PRH1: variants seen among roughly 807,000 people sequenced by gnomAD.
PRH1 encodes salivary acidic proline-rich phosphoprotein 1/2.
A neutral mutation model predicts 7.9 loss-of-function variants in PRH1; 7 were observed. The ratio of observed to expected loss-of-function variants is 0.89; its 90% CI spans 0.50 to 1.67. The LOEUF (loss-of-function observed/expected upper bound fraction) is 1.67, where lower values mean the gene tolerates loss of function less well. PRH1 is among the 40% of genes most tolerant of loss of function. The pLI, the probability that PRH1 is intolerant of heterozygous loss-of-function variation, is 0.00. For missense variants in PRH1, 109 were observed against 223.6 expected (o/e 0.49, Z 3.27); for synonymous variants, 45 against 80.8 (o/e 0.56, Z 2.38).
intron 2 of PRH1, among the ~76,000 whole-genome samples, chr12:10,913,586 G>A (rs531645824): frequency 2.0e-5 from 3 of 152,156 alleles, no homozygotes; most frequent in African/African-American, 7.2e-5. Flanking sequence ...TATATATCTT[G>A]TACATAGCAT....
Position 11,087,628 on chromosome 12 carries a change from C to T in PRH1, n.124-40440G>A, listed in dbSNP as rs201478537. On this transcript the variant is annotated intron_variant and non_coding_transcript_variant, in intron 1 of 4. Transcript: ENST00000541977. The stretch of plus-strand genomic sequence containing the variant: ...TCTCCTCTACTGGCAACACAATGTA[C>T]AAAATATAATAACCGCATTCCCTAA... 1.4e-3 allele frequency among the ~76,000 whole-genome samples: 140 copies of T among 102,234 alleles called. 1 individual carries two copies. Among genetic ancestry groups the T allele is most frequent in the East Asian group, 3.3e-3 (14 of 4,206 alleles). The allele number at this position is 102,234 out of a possible 152,430, so 67.1% of individuals were successfully genotyped here. A position where few individuals can be genotyped will look rare whatever the true frequency, so the allele number is the denominator to read the frequency against.
At chr12:11,065,913 C>G (rs1943788881) in intron 1 of PRH1, among the ~76,000 whole-genome samples, 1 of 152,148 alleles carries the variant, frequency 6.6e-6, no homozygotes, top group South Asian at 2.1e-4. Flanking sequence ...ACCACAAACT[C>G]TCCTCACAGG....
intron 1 of PRH1, among the ~76,000 whole-genome samples, chr12:11,083,553 A>AT (rs1479911869): frequency 8.3e-6 from 1 of 119,996 alleles, no homozygotes; most frequent in Non-Finnish European, 2.0e-5. Context: ...TATATAAAGT[A>AT]ATAAGGTCTA....
intron 1 of PRH1, among the ~76,000 whole-genome samples, chr12:11,140,669 T>A (rs1283567962): frequency 1.3e-5 from 2 of 152,196 alleles, no homozygotes; most frequent in African/African-American, 4.8e-5. Context: ...CATATTGATG[T>A]TGAAGTGAAA....
At chr12:10,971,799 T>A (rs1938826255) in intron 2 of PRH1, among the ~76,000 whole-genome samples, 1 of 152,142 alleles carries the variant, frequency 6.6e-6, no homozygotes, top group Non-Finnish European at 1.5e-5. Context: ...ATTTTATAAT[T>A]CTTTTTCTAT....
chr12:10,989,731 T>G (rs985922015), intron 1 of PRH1, among the ~76,000 whole-genome samples: 5 of 152,214 alleles, frequency 3.3e-5, no homozygotes, highest in Non-Finnish European at 7.3e-5. Flanking sequence ...AATTTTCCTT[T>G]TATCTAAAAA....
At chr12:10,991,130 T>C (rs1001398093) in intron 1 of PRH1, among the ~76,000 whole-genome samples, 1 of 152,148 alleles carries the variant, frequency 6.6e-6, no homozygotes, top group Non-Finnish European at 1.5e-5. Flanking sequence ...AGAAAGTAAC[T>C]AAGGTTATGA....
At chr12:11,108,623 G>A (rs1173912307) in intron 1 of PRH1, among the ~76,000 whole-genome samples, 3 of 152,204 alleles carry the variant, frequency 2.0e-5, no homozygotes, top group African/African-American at 4.8e-5. Context: ...AGTGAGGGAC[G>A]ACGTATTCTG....
intron 1 of PRH1, among the ~76,000 whole-genome samples, chr12:11,105,731 T>A (rs1203048432): frequency 6.6e-6 from 1 of 152,162 alleles, no homozygotes; most frequent in Non-Finnish European, 1.5e-5. Flanking sequence ...AATACAGAGA[T>A]GACACACTGG....
intron 1 of PRH1, among the ~76,000 whole-genome samples, chr12:11,106,981 A>G (rs1020115264): frequency 1.3e-5 from 2 of 152,174 alleles, no homozygotes; most frequent in Non-Finnish European, 2.9e-5. Context: ...TACTTGATAC[A>G]TAAAAGATAA....
intron 1 of PRH1, among the ~76,000 whole-genome samples, chr12:11,160,193 CTCAT>C (rs1245397103): frequency 6.6e-6 from 1 of 152,120 alleles, no homozygotes; most frequent in Non-Finnish European, 1.5e-5. Flanking sequence ...TTATTTGTCT[CTCAT>C]TCAGTAACAT....
intron 1 of PRH1, among the ~76,000 whole-genome samples, chr12:11,121,508 C>T (rs1397675223): frequency 6.6e-6 from 1 of 151,960 alleles, no homozygotes; most frequent in Non-Finnish European, 1.5e-5. Context: ...ATGTCAACTT[C>T]AAAAAAGGCT....
intron 2 of PRH1, among the ~76,000 whole-genome samples, chr12:10,910,584 G>A (rs1269916847): frequency 6.6e-6 from 1 of 152,100 alleles, no homozygotes; most frequent in African/African-American, 2.4e-5. Flanking sequence ...GGTTGACCTT[G>A]GGTCACTGAA....
Position 11,137,082 on chromosome 12 carries a change from G to T in PRH1, n.40-15902C>A, listed in dbSNP as rs141413939. On this transcript the variant is annotated intron_variant and non_coding_transcript_variant, in intron 1 of 1. Transcript: ENST00000541175. ...AGTAGCTTTTTTTGGATAGTAGCTTGTCTGTTGCTGGGTCATCACCACAAA... is the reference window on the plus strand; with the variant it reads ...AGTAGCTTTTTTTGGATAGTAGCTTTTCTGTTGCTGGGTCATCACCACAAA... Among the ~76,000 whole-genome samples, 811 of 152,202 alleles carry T rather than the reference G, an allele frequency of 5.3e-3. 15 individuals are homozygous for T. The highest frequency in any genetic ancestry group is 0.019 in the African/African-American group (769 of 41,518).
At chr12:10,920,202 A>C (rs1240864896) in intron 2 of PRH1, among the ~76,000 whole-genome samples, 1 of 151,910 alleles carries the variant, frequency 6.6e-6, no homozygotes, top group Non-Finnish European at 1.5e-5. Flanking sequence ...AATTTAAATA[A>C]GTCTTGCTAT....
chr12:11,020,370 A>ATATATATATATATATATC lies in PRH1; in HGVS notation c.-126+26649_-126+26650insGATATATATATATATATA, dbSNP rs1565557268. Among the ~76,000 whole-genome samples, 154 of 74,628 alleles carry ATATATATATATATATATC rather than the reference A, an allele frequency of 2.1e-3. 7 individuals carry two copies. The East Asian group carries it at 0.2, about 97-fold the overall frequency. 49.0% of individuals were successfully genotyped at this position (74,628 alleles called of 152,430 possible). A position where few individuals can be genotyped will look rare whatever the true frequency, so the allele number is the denominator to read the frequency against. On this transcript the variant is annotated intron_variant, in intron 1 of 3. Transcript: ENST00000539853. ...GGAGGACGTATGATAAGCGATATAT[A>ATATATATATATATATATC]TATATATATATATATATATATGTCT...
At chr12:10,951,543 A>G (rs1937671556) in intron 2 of PRH1, among the ~76,000 whole-genome samples, 1 of 152,184 alleles carries the variant, frequency 6.6e-6, no homozygotes, top group South Asian at 2.1e-4. Context: ...AAAATGGAAA[A>G]TAAATTTTAG....
intron 1 of PRH1, among the ~76,000 whole-genome samples, chr12:11,058,688 AG>A (rs1292283317): frequency 6.6e-6 from 1 of 151,818 alleles, no homozygotes; most frequent in African/African-American, 2.4e-5. Context: ...AAGCTGTTAG[AG>A]GCATACATAG....
intron 2 of PRH1, among the ~76,000 whole-genome samples, chr12:10,956,725 G>T (rs1937982911): frequency 6.6e-6 from 1 of 151,976 alleles, no homozygotes; most frequent in African/African-American, 2.4e-5. Flanking sequence ...CAAATTCCCA[G>T]GATACAAAAT....
Sources: allele counts gnomAD v4.1 joint callset (sites outside exome capture counted in the v4.1 genomes callset), GRCh38; gene constraint gnomAD v4.1.1; transcripts MANE v1.5; gene names NCBI Gene and HGNC (gene_info 2026-07-23, HGNC 2026-07-21).